Variants in SOS2 observed in about 807,000 individuals in gnomAD.
SOS2 encodes the protein son of sevenless homolog 2.
Under a neutral mutation model 148.2 loss-of-function variants are expected in SOS2, and 65 were observed. The observed-to-expected ratio is 0.44, with a 90% confidence interval of 0.36 to 0.54. The LOEUF (loss-of-function observed/expected upper bound fraction) is 0.54, where lower values mean the gene tolerates loss of function less well. Among genes scored for constraint, SOS2 ranks in the 20% least tolerant of loss-of-function variants. The pLI is 0.00. For synonymous variants in SOS2, 539 were observed against 537.1 expected (o/e 1.00, Z -0.05); for missense variants, 1,341 against 1,590.2 (o/e 0.84, Z 2.67).
chr14:50,193,205 T>C (rs945791531), intron 4 of SOS2, among the ~76,000 whole-genome samples: 2 of 152,006 alleles, frequency 1.3e-5, no homozygotes, highest in Non-Finnish European at 2.9e-5. Context: ...TTTCTTTGTT[T>C]CTTTTTTTAA....
At chr14:50,214,447 CAG>C (rs1033093249) in intron 1 of SOS2, among the ~76,000 whole-genome samples, 3 of 152,006 alleles carry the variant, frequency 2.0e-5, no homozygotes, top group African/African-American at 7.2e-5. Flanking sequence ...TTAACACAGC[CAG>C]AGATAACTTA....
intron 5 of SOS2, among the ~76,000 whole-genome samples, chr14:50,188,123 C>T (rs1885981480): frequency 1.3e-5 from 2 of 152,126 alleles, no homozygotes; most frequent in Non-Finnish European, 2.9e-5. Flanking sequence ...TATTTATGGG[C>T]TGGGTGCAGT....
chr14:50,161,755 AC>A (rs1449550704), intron 8 of SOS2, 146 bp from the exon 9 acceptor site: 2 of 621,250 alleles, frequency 3.2e-6, no homozygotes, highest in African/African-American at 3.9e-5. Flanking sequence ...TTTTATATAT[AC>A]CTACTGCCCT....
intron 7 of SOS2, 40 bp downstream of exon 7, chr14:50,180,532 T>TAAAAAAAAAAA: frequency 2.1e-6 from 1 of 465,886 alleles, no homozygotes; most frequent in Non-Finnish European, 3.2e-6. Context: ...ATTTGCTTTA[T>TAAAAAAAAAAA]TAAAAAAAAA....
chr14:50,163,446 A>G (rs1264840990), intron 8 of SOS2, among the ~76,000 whole-genome samples: 1 of 152,132 alleles, frequency 6.6e-6, no homozygotes, highest in Non-Finnish European at 1.5e-5. Flanking sequence ...ATTAGTCTCT[A>G]TATGAAGCAC....
At chr14:50,211,595 T>C (rs1010903307) in intron 1 of SOS2, among the ~76,000 whole-genome samples, 1 of 127,900 alleles carries the variant, frequency 7.8e-6, no homozygotes, top group Non-Finnish European at 1.6e-5. Context: ...GGGAAAATTT[T>C]ATTTATTTTT....
intron 1 of SOS2, among the ~76,000 whole-genome samples, chr14:50,227,560 T>A (rs1887417154): frequency 6.6e-6 from 1 of 151,992 alleles, no homozygotes; most frequent in Non-Finnish European, 1.5e-5. Context: ...ACTACAGGCG[T>A]CCGCCACCAC....
chr14:50,132,739 T>C (rs1167629156), intron 19 of SOS2, among the ~76,000 whole-genome samples: 1 of 152,020 alleles, frequency 6.6e-6, no homozygotes, highest in African/African-American at 2.4e-5. Context: ...TCTTGTTGAG[T>C]TTGTAGAGGG....
At chr14:50,131,860 G>GA (rs1226252339) in intron 19 of SOS2, among the ~76,000 whole-genome samples, 3 of 152,226 alleles carry the variant, frequency 2.0e-5, no homozygotes, top group Admixed American at 6.5e-5. Flanking sequence ...AATTTCTGAG[G>GA]AAAAAATCTC....
chr14:50,190,049 C>T (rs1886079074), intron 4 of SOS2, among the ~76,000 whole-genome samples: 1 of 151,630 alleles, frequency 6.6e-6, no homozygotes, highest in Non-Finnish European at 1.5e-5. Flanking sequence ...GACGGGGTTT[C>T]ACCATGTTAT....
intron 18 of SOS2, among the ~76,000 whole-genome samples, chr14:50,138,031 G>A (rs1884141318): frequency 6.6e-6 from 1 of 151,780 alleles, no homozygotes; most frequent in Non-Finnish European, 1.5e-5. Flanking sequence ...AGTAGAGACA[G>A]GGTTTCACCA....
chr14:50,194,996 GA>G (rs1402706186), intron 4 of SOS2, among the ~76,000 whole-genome samples: 1 of 151,826 alleles, frequency 6.6e-6, no homozygotes, highest in African/African-American at 2.4e-5. Context: ...AATGCTGAAT[GA>G]CAGAATTCAA....
intron 1 of SOS2, chr14:50,230,856 T>G (rs994533571): frequency 1.3e-5 from 13 of 1,007,428 alleles, no homozygotes; most frequent in Non-Finnish European, 1.5e-5. Flanking sequence ...AATGTGCTTT[T>G]GTTTTAGAAA....
intron 1 of SOS2, among the ~76,000 whole-genome samples, chr14:50,218,352 G>C (rs1312506233): frequency 2.0e-5 from 3 of 151,300 alleles, no homozygotes; most frequent in African/African-American, 7.3e-5. Context: ...GCAAAATCCT[G>C]TCTCTACTAA....
chr14:50,178,744 A>ATTT lies in SOS2; in HGVS notation c.969+1825_969+1827dup, dbSNP rs774367057. On this transcript the variant is annotated intron_variant, in intron 7 of 22. Transcript: ENST00000216373. ...TATACACACACATATATATATATATATTTTTTGGAGACAGGGTCTTGCTCT... is the reference window on the plus strand; with the variant it reads ...TATACACACACATATATATATATATATTTTTTTTTGGAGACAGGGTCTTGCTCT... Among the ~76,000 whole-genome samples, 780 of 140,380 alleles carry ATTT rather than the reference A, an allele frequency of 5.6e-3. 15 individuals carry two copies. Among genetic ancestry groups the ATTT allele is most frequent in the African/African-American group, 0.02 (740 of 37,502 alleles). The allele number at this position is 140,380 out of a possible 152,430, so 92.1% of individuals were successfully genotyped here. A position where few individuals can be genotyped will look rare whatever the true frequency, so the allele number is the denominator to read the frequency against.
intron 21 of SOS2, among the ~76,000 whole-genome samples, chr14:50,129,374 G>C (rs1883792686): frequency 6.6e-6 from 1 of 151,928 alleles, no homozygotes; most frequent in Non-Finnish European, 1.5e-5. Flanking sequence ...GTGTTTTTTT[G>C]TTTGTTTGTT....
intron 10 of SOS2, among the ~76,000 whole-genome samples, chr14:50,158,930 A>G (rs1312548514): frequency 6.6e-6 from 1 of 152,158 alleles, no homozygotes; most frequent in Non-Finnish European, 1.5e-5. Context: ...CACGCCTATA[A>G]TCTCAGCACT....
intron 1 of SOS2, among the ~76,000 whole-genome samples, chr14:50,224,052 A>C (rs1887278127): frequency 6.6e-6 from 1 of 151,610 alleles, no homozygotes; most frequent in South Asian, 2.1e-4. Context: ...TGGGGGGCCG[A>C]GGCGGGCAGA....
rs578093731 is a variant in SOS2 at position 50,121,037 on chromosome 14, G to A, written c.3380-653C>T. Among the ~76,000 whole-genome samples, 179 of 151,996 alleles carry A rather than the reference G, an allele frequency of 1.2e-3. 1 individual carries two copies. The highest frequency in any genetic ancestry group is 4.2e-3 in the African/African-American group (173 of 41,468). The stretch of plus-strand genomic sequence containing the variant: ...ACAGGCATGAACCACCGTGCCCTGC[G>A]AGACCGTATATTTTTGAAGCAGCTA... On this transcript the variant is annotated intron_variant, in intron 21 of 22. Transcript: ENST00000216373.
Sources: gnomAD v4.1 joint callset for allele counts (sites outside exome capture counted in the v4.1 genomes callset) on GRCh38, gnomAD v4.1.1 for gene constraint, MANE v1.5 for transcripts, NCBI Gene and HGNC (gene_info 2026-07-23, HGNC 2026-07-21) for gene names.